Variants in PSMG2 observed in about 807,000 individuals in gnomAD.
The protein encoded by PSMG2 is CD40 ligand-activated specific transcript 3.
PSMG2 carries 21 observed loss-of-function variants against 31.5 expected under a neutral mutation model. The ratio of observed to expected loss-of-function variants is 0.67; its 90% CI spans 0.47 to 0.96. The LOEUF (loss-of-function observed/expected upper bound fraction) is 0.96, where lower values mean the gene tolerates loss of function less well. PSMG2 is among the 40% of genes least tolerant of loss of function. PSMG2 has a pLI of 0.00. For missense variants in PSMG2, 318 were observed against 321.2 expected (o/e 0.99, Z 0.08); for synonymous variants, 120 against 110.4 (o/e 1.09, Z -0.54).
intron 1 of PSMG2, among the ~76,000 whole-genome samples, chr18:12,695,907 ATT>A (rs1199420112): frequency 6.6e-6 from 1 of 151,850 alleles, no homozygotes; most frequent in African/African-American, 2.4e-5. Flanking sequence ...AAGCATTTAT[ATT>A]GTCACTTATA....
At chr18:12,688,771 C>G (rs896251003) in intron 1 of PSMG2, among the ~76,000 whole-genome samples, 1 of 152,164 alleles carries the variant, frequency 6.6e-6, no homozygotes, top group Non-Finnish European at 1.5e-5. Flanking sequence ...CAGTACATGG[C>G]TGGTGGCTAC....
chr18:12,686,484 T>C (rs2039543990), intron 1 of PSMG2: 3 of 1,435,742 alleles, frequency 2.1e-6, no homozygotes, highest in Non-Finnish European at 2.9e-6. Flanking sequence ...TGTAATGACA[T>C]ATTAATCATC....
At chr18:12,702,459 G>T (rs1275406004), upstream of PSMG2, 2 of 1,559,610 alleles carry the variant, frequency 1.3e-6, no homozygotes, top group East Asian at 2.3e-5. Flanking sequence ...CGGCCCGGCG[G>T]TCTCTCCCAG....
chr18:12,663,735 C>G (rs1165293781), intron 1 of PSMG2, among the ~76,000 whole-genome samples: 3 of 151,934 alleles, frequency 2.0e-5, no homozygotes, highest in South Asian at 4.1e-4. Context: ...AATGTTTTTT[C>G]AAGCCTCTAT....
intron 3 of PSMG2, among the ~76,000 whole-genome samples, chr18:12,716,970 T>G (rs2040382603): frequency 8.6e-6 from 1 of 116,856 alleles, no homozygotes; most frequent in African/African-American, 2.9e-5. Flanking sequence ...TTTTTTTTTT[T>G]GAGACAGGGT....
intron 1 of PSMG2, chr18:12,691,263 G>T: frequency 1.3e-6 from 1 of 757,710 alleles, no homozygotes. Flanking sequence ...TTTATTTTTT[G>T]GAATACATTT....
intron 5 of PSMG2, among the ~76,000 whole-genome samples, chr18:12,722,974 A>T (rs1295783596): frequency 6.6e-6 from 1 of 152,216 alleles, no homozygotes; most frequent in African/African-American, 2.4e-5. Context: ...GAGCCATCAG[A>T]GCTCATAGTG....
At chr18:12,710,401 CA>C (rs760945097) in intron 2 of PSMG2, among the ~76,000 whole-genome samples, 10 of 152,216 alleles carry the variant, frequency 6.6e-5, no homozygotes, top group Non-Finnish European at 1.3e-4. Flanking sequence ...AGGCGTGTTA[CA>C]GCAAGTCAGT....
chr18:12,702,278 G>A, upstream of PSMG2: 1 of 543,912 alleles, frequency 1.8e-6, no homozygotes, highest in Non-Finnish European at 3.2e-6. Flanking sequence ...CCAGACTCTT[G>A]CTAGCACCTG....
chr18:12,673,722 A>C (rs45589535), intron 1 of PSMG2, among the ~76,000 whole-genome samples: 181 of 151,878 alleles, frequency 1.2e-3, no homozygotes, highest in African/African-American at 4.3e-3. Context: ...TCTACTAAAA[A>C]TTACAAAAAT....
chr18:12,693,134 C>A (rs2039827891), intron 1 of PSMG2, among the ~76,000 whole-genome samples: 1 of 151,884 alleles, frequency 6.6e-6, no homozygotes, highest in Admixed American at 6.6e-5. Context: ...TTTAATAGTG[C>A]AATTTTAAAG....
At chr18:12,702,906 C>A, upstream of PSMG2, 4 of 601,604 alleles carry the variant, frequency 6.6e-6, no homozygotes, top group East Asian at 1.3e-4. Flanking sequence ...GCGCTGCTGG[C>A]CCCTCTTCGC....
intron 1 of PSMG2, chr18:12,673,642 G>A (rs944899007): frequency 5.3e-6 from 3 of 563,734 alleles, no homozygotes; most frequent in Non-Finnish European, 8.7e-6. Context: ...CACTTTGGGA[G>A]GCCGAGACAG....
chr18:12,697,383 TG>T, intron 1 of PSMG2: 1 of 1,611,204 alleles, frequency 6.2e-7, no homozygotes, highest in Non-Finnish European at 8.5e-7. Flanking sequence ...ACATTGTTGT[TG>T]AATCAGCCAT....
chr18:12,666,111 G>C (rs1347235244), intron 1 of PSMG2, among the ~76,000 whole-genome samples: 2 of 147,316 alleles, frequency 1.4e-5, no homozygotes, highest in African/African-American at 5.0e-5. Context: ...GATGCCAGAA[G>C]TTCAAGACCA....
At chr18:12,668,717 C>T (rs1275230398) in intron 1 of PSMG2, among the ~76,000 whole-genome samples, 6 of 142,324 alleles carry the variant, frequency 4.2e-5, no homozygotes, top group African/African-American at 1.5e-4. Flanking sequence ...GTCTACCTAG[C>T]AAGATACACT....
chr18:12,694,922 A>T (rs942524761), intron 1 of PSMG2, among the ~76,000 whole-genome samples: 1 of 150,136 alleles, frequency 6.7e-6, no homozygotes, highest in Non-Finnish European at 1.5e-5. Flanking sequence ...TCACCGTGTT[A>T]GCCAGGATGG....
chr18:12,673,133 T>C, intron 1 of PSMG2: 9 of 1,119,422 alleles, frequency 8.0e-6, no homozygotes, highest in Non-Finnish European at 1.0e-5. Flanking sequence ...AAATAGAATA[T>C]ACACTTAATT....
At chr18:12,669,789 T>C (rs1359594836) in intron 1 of PSMG2, among the ~76,000 whole-genome samples, 2 of 151,568 alleles carry the variant, frequency 1.3e-5, no homozygotes, top group Admixed American at 6.6e-5. Context: ...TCACCTGAGG[T>C]CGGGAGTTTG....
Sources: allele counts gnomAD v4.1 joint callset (sites outside exome capture counted in the v4.1 genomes callset), GRCh38; gene constraint gnomAD v4.1.1; transcripts MANE v1.5; gene names NCBI Gene and HGNC (gene_info 2026-07-23, HGNC 2026-07-21).